The following SH3RF3 variants were observed in gnomAD, a reference collection of about 807,000 sequenced individuals.
SH3RF3 encodes SH3 domain containing ring finger 3.
Under a neutral mutation model 66.3 loss-of-function variants are expected in SH3RF3, and 29 were observed. That is an observed-to-expected ratio of 0.44 (90% confidence interval 0.33 to 0.60). The LOEUF (loss-of-function observed/expected upper bound fraction) is 0.60. Ranked by LOEUF, SH3RF3 falls within the 20% of genes least tolerant of loss-of-function variation. The pLI, the probability that SH3RF3 is intolerant of heterozygous loss-of-function variation, is 0.04. For synonymous variants in SH3RF3, 583 were observed against 532.0 expected (o/e 1.10, Z -1.32); for missense variants, 1,194 against 1,190.9 (o/e 1.00, Z -0.04).
chr2:109,458,601 A>AGAGAGAGAGAGAGAG (rs1553524376), intron 8 of SH3RF3, among the ~76,000 whole-genome samples: 33 of 148,954 alleles, frequency 2.2e-4, no homozygotes, highest in South Asian at 4.3e-4. Flanking sequence ...AGAGAGAGAG[A>AGAGAGAGAGAGAGAG]ATTTATTTAT....
chr2:109,422,512 C>G (rs1229881741), intron 5 of SH3RF3, among the ~76,000 whole-genome samples: 1 of 152,300 alleles, frequency 6.6e-6, no homozygotes, highest in East Asian at 1.9e-4. Flanking sequence ...CCCGGAAACA[C>G]AAGAAGGGTC....
intron 1 of SH3RF3, among the ~76,000 whole-genome samples, chr2:109,260,004 A>T (rs920999813): frequency 1.3e-5 from 2 of 152,210 alleles, no homozygotes; most frequent in Middle Eastern, 6.8e-3. Context: ...CTCCGGCCAG[A>T]GATATCTTTT....
At position 109,129,604 on chromosome 2, in the gene SH3RF3, G is replaced by C. The variant is rs1676631247; in HGVS notation, c.64G>C (p.Gly22Arg). ...KAAAAAAQSE[G>R]DEDRPGERRR... ...GGCCGCCGCTGCTGCGCAGAGCGAGGGCGACGAGGACAGGCCAGGCGAGCG... is the reference window on the plus strand; with the variant it reads ...GGCCGCCGCTGCTGCGCAGAGCGAGCGCGACGAGGACAGGCCAGGCGAGCG... Residue 22 changes from glycine to arginine, a missense_variant, in exon 1 of 10, where the codon GGC (glycine) becomes CGC (arginine). Transcript: ENST00000309415. 1 of 1,481,690 alleles carries C rather than the reference G, an allele frequency of 6.7e-7. No homozygotes were observed. 91.8% of individuals were successfully genotyped at this position (1,481,690 alleles called of 1,614,324 possible).
intron 3 of SH3RF3, among the ~76,000 whole-genome samples, chr2:109,380,804 G>C (rs776363770): frequency 3.5e-4 from 53 of 152,162 alleles, no homozygotes; most frequent in Non-Finnish European, 6.2e-4. Context: ...ACCTGCATAG[G>C]CAGACATCAA....
At chr2:109,237,297 A>C (rs1198345732) in intron 1 of SH3RF3, among the ~76,000 whole-genome samples, 1 of 152,252 alleles carries the variant, frequency 6.6e-6, no homozygotes, top group African/African-American at 2.4e-5. Flanking sequence ...TATCTTTATC[A>C]GAAAACATGG....
At chr2:109,489,985 A>G (rs1359086112) in intron 8 of SH3RF3, among the ~76,000 whole-genome samples, 2 of 152,152 alleles carry the variant, frequency 1.3e-5, no homozygotes, top group Non-Finnish European at 2.9e-5. Flanking sequence ...TGATCTGCCC[A>G]CCTTGGCCTC....
At position 109,353,603 on chromosome 2, in the gene SH3RF3, C is replaced by T. The variant is rs1682884010; in HGVS notation, c.849+5654C>T. On this transcript the variant is annotated intron_variant, in intron 2 of 9. Transcript: ENST00000309415. ...TGTCACCTGGCCAGGGCTGGCAGGC[C>T]TGCTGGGTGAGAGTGCCTCTGTCTC... Among the ~76,000 whole-genome samples, 5 of 152,246 alleles carry T rather than the reference C, an allele frequency of 3.3e-5. No individual in the cohort carries two copies. The South Asian group carries it at 1.0e-3, about 32-fold the overall frequency.
intron 1 of SH3RF3, among the ~76,000 whole-genome samples, chr2:109,238,449 TTGTGTG>T (rs56112018): frequency 0.13 from 18,027 of 142,434 alleles, 1,288 homozygotes; most frequent in East Asian, 0.24. Context: ...TTATGTATAT[TTGTGTG>T]TGTGTGTGTG....
intron 5 of SH3RF3, among the ~76,000 whole-genome samples, chr2:109,427,342 G>A (rs1484390365): frequency 6.6e-6 from 1 of 152,162 alleles, no homozygotes; most frequent in Admixed American, 6.5e-5. Context: ...ATACGCTACT[G>A]TATAGTATAA....
chr2:109,237,744 C>T (rs1270025431), intron 1 of SH3RF3, among the ~76,000 whole-genome samples: 1 of 151,988 alleles, frequency 6.6e-6, no homozygotes, highest in Non-Finnish European at 1.5e-5. Flanking sequence ...TTTGATTTAG[C>T]GATGACATCT....
chr2:109,497,531 A>C (rs901685728), intron 9 of SH3RF3, among the ~76,000 whole-genome samples: 1 of 152,236 alleles, frequency 6.6e-6, no homozygotes, highest in Non-Finnish European at 1.5e-5. Context: ...AATTATACTC[A>C]GCAGGGCAGA....
chr2:109,226,072 G>A (rs1423792363), intron 1 of SH3RF3, among the ~76,000 whole-genome samples: 1 of 152,210 alleles, frequency 6.6e-6, no homozygotes, highest in Non-Finnish European at 1.5e-5. Context: ...CTGCATAGCT[G>A]TAATATTGTC....
At chr2:109,354,578 G>A (rs559382284) in intron 2 of SH3RF3, among the ~76,000 whole-genome samples, 2 of 152,386 alleles carry the variant, frequency 1.3e-5, no homozygotes, top group East Asian at 3.9e-4. Context: ...GGTTTTCAGT[G>A]ATCGTGGCAT....
At chr2:109,320,846 G>A (rs914025268) in intron 1 of SH3RF3, among the ~76,000 whole-genome samples, 2 of 152,162 alleles carry the variant, frequency 1.3e-5, no homozygotes, top group African/African-American at 4.8e-5. Flanking sequence ...CCATGGATTC[G>A]GGCACCAGAC....
At chr2:109,442,310 C>CA (rs530557141) in intron 7 of SH3RF3, among the ~76,000 whole-genome samples, 8,858 of 75,460 alleles carry the variant, frequency 0.12, 308 homozygotes, top group Middle Eastern at 0.2. Context: ...GACTCCACCT[C>CA]AAAAAAAAAA....
At chr2:109,158,039 A>T (rs1213569359) in intron 1 of SH3RF3, among the ~76,000 whole-genome samples, 19 of 152,150 alleles carry the variant, frequency 1.2e-4, no homozygotes, top group Non-Finnish European at 2.4e-4. Context: ...CTTCAATTGC[A>T]CTGTGTCATC....
At chr2:109,159,652 G>A (rs1677438344) in intron 1 of SH3RF3, among the ~76,000 whole-genome samples, 1 of 152,204 alleles carries the variant, frequency 6.6e-6, no homozygotes, top group Non-Finnish European at 1.5e-5. Context: ...CACAGCAGGA[G>A]GTGAGTGGCG....
At chr2:109,265,437 C>A (rs987841980) in intron 1 of SH3RF3, among the ~76,000 whole-genome samples, 18 of 152,216 alleles carry the variant, frequency 1.2e-4, no homozygotes, top group African/African-American at 4.3e-4. Context: ...TAAGCCCCAC[C>A]CTGACAGTGA....
At chr2:109,370,239 C>G (rs933577347) in intron 2 of SH3RF3, among the ~76,000 whole-genome samples, 3 of 145,388 alleles carry the variant, frequency 2.1e-5, no homozygotes, top group African/African-American at 7.7e-5. Flanking sequence ...CTCTCTCTCT[C>G]TTTTTCTTTT....
Sources: allele counts gnomAD v4.1 joint callset (sites outside exome capture counted in the v4.1 genomes callset), GRCh38; gene constraint gnomAD v4.1.1; transcripts MANE v1.5; gene names NCBI Gene and HGNC (gene_info 2026-07-23, HGNC 2026-07-21).